The following METTL9 variants were observed in gnomAD, a reference collection of about 807,000 sequenced individuals.
The protein encoded by METTL9 is protein-L-histidine N-pros-methyltransferase.
Under a neutral mutation model 36.0 loss-of-function variants are expected in METTL9, and 10 were observed. The observed-to-expected ratio is 0.28, with a 90% CI of 0.17 to 0.47. METTL9 has a LOEUF of 0.47. METTL9 is among the 20% of genes least tolerant of loss of function. The probability of loss-of-function intolerance (pLI) is 0.99; values close to 1 mark genes in which losing one functional copy is unlikely to be tolerated. For missense variants in METTL9, 246 were observed against 383.5 expected (o/e 0.64, Z 3.00); for synonymous variants, 175 against 149.7 (o/e 1.17, Z -1.23).
At chr16:21,610,802 C>T (rs1378994219) in intron 1 of METTL9, among the ~76,000 whole-genome samples, 1 of 152,114 alleles carries the variant, frequency 6.6e-6, no homozygotes, top group Non-Finnish European at 1.5e-5. Flanking sequence ...GACTTCTCAT[C>T]CACATTAATA....
intron 4 of METTL9, among the ~76,000 whole-genome samples, chr16:21,633,561 G>T (rs1395424278): frequency 6.6e-6 from 1 of 152,154 alleles, no homozygotes; most frequent in East Asian, 1.9e-4. Flanking sequence ...TACAGAAGAA[G>T]GCATCCTTGA....
At chr16:21,616,710 C>T (rs983963540) in intron 2 of METTL9, among the ~76,000 whole-genome samples, 1 of 152,128 alleles carries the variant, frequency 6.6e-6, no homozygotes, top group Non-Finnish European at 1.5e-5. Flanking sequence ...GCATATTAAC[C>T]GACATCACAA....
At chr16:21,622,160 T>TTTTTTTTTTTTTTTTTTTG (rs1965719145) in intron 3 of METTL9, among the ~76,000 whole-genome samples, 1 of 137,496 alleles carries the variant, frequency 7.3e-6, no homozygotes, top group Non-Finnish European at 1.5e-5. Flanking sequence ...TTTTTTTTTT[T>TTTTTTTTTTTTTTTTTTTG]TTGAGACAGG....
chr16:21,650,220 A>G (rs992707920), intron 4 of METTL9, among the ~76,000 whole-genome samples: 2 of 152,160 alleles, frequency 1.3e-5, no homozygotes, highest in African/African-American at 4.8e-5. Context: ...TATAAAAGGA[A>G]TAGAGGCTGG....
intron 1 of METTL9, among the ~76,000 whole-genome samples, chr16:21,607,694 A>G (rs1256951679): frequency 6.6e-6 from 1 of 152,210 alleles, no homozygotes; most frequent in Non-Finnish European, 1.5e-5. Flanking sequence ...GGCAGATGCT[A>G]ATAAGATGCT....
chr16:21,630,326 C>T (rs886369657), intron 4 of METTL9, among the ~76,000 whole-genome samples: 4 of 152,248 alleles, frequency 2.6e-5, no homozygotes, highest in Non-Finnish European at 5.9e-5. Flanking sequence ...CCCGCCTGCA[C>T]CTCTCCCTTC....
intron 1 of METTL9, among the ~76,000 whole-genome samples, chr16:21,600,304 C>A (rs1202619008): frequency 6.6e-6 from 1 of 152,210 alleles, no homozygotes. Flanking sequence ...AGATCCATTA[C>A]CCCGAGAAAC....
At chr16:21,637,370 A>G (rs1009152329) in intron 4 of METTL9, among the ~76,000 whole-genome samples, 2 of 152,306 alleles carry the variant, frequency 1.3e-5, no homozygotes, top group South Asian at 4.1e-4. Context: ...GGCTAGCTAG[A>G]CACAGAGCGC....
At chr16:21,619,535 C>A (rs1567331636) in intron 3 of METTL9, among the ~76,000 whole-genome samples, 1 of 151,670 alleles carries the variant, frequency 6.6e-6, no homozygotes, top group Non-Finnish European at 1.5e-5. Context: ...ATTCTACTGC[C>A]TCAGCCTCCT....
At chr16:21,628,632 T>A (rs750637040) in intron 4 of METTL9, among the ~76,000 whole-genome samples, 10 of 152,118 alleles carry the variant, frequency 6.6e-5, no homozygotes, top group Non-Finnish European at 5.9e-5. Flanking sequence ...TAGCTGGGAC[T>A]ACAGGTGCAT....
intron 3 of METTL9, among the ~76,000 whole-genome samples, chr16:21,622,028 AG>A (rs1276468059): frequency 6.7e-6 from 1 of 149,772 alleles, no homozygotes; most frequent in Admixed American, 6.7e-5. Flanking sequence ...ATTTTAGTAG[AG>A]ATGGGGTTTC....
chr16:21,652,430 C>G, intron 4 of METTL9: 3 of 858,618 alleles, frequency 3.5e-6, no homozygotes, highest in Non-Finnish European at 5.5e-6. Flanking sequence ...TAATGTTATA[C>G]ATTTAAAAAT....
intron 1 of METTL9, among the ~76,000 whole-genome samples, chr16:21,604,080 A>G (rs1965210977): frequency 6.6e-6 from 1 of 152,170 alleles, no homozygotes; most frequent in Admixed American, 6.5e-5. Flanking sequence ...GACTGGAGTC[A>G]GGCATGAGTT....
At chr16:21,632,007 TGTCTCTTC>T (rs916133044) in intron 4 of METTL9, among the ~76,000 whole-genome samples, 1 of 152,172 alleles carries the variant, frequency 6.6e-6, no homozygotes, top group African/African-American at 2.4e-5. Flanking sequence ...TGACTCCCTC[TGTCTCTTC>T]CTCTCTTCCC....
intron 4 of METTL9, among the ~76,000 whole-genome samples, chr16:21,638,418 G>A (rs1240061950): frequency 6.6e-6 from 1 of 152,170 alleles, no homozygotes; most frequent in African/African-American, 2.4e-5. Context: ...TATGGAAAGG[G>A]GTGAAGCTTC....
intron 4 of METTL9, chr16:21,647,069 G>C: frequency 6.2e-7 from 1 of 1,604,034 alleles, no homozygotes; most frequent in East Asian, 2.2e-5. Flanking sequence ...TGTGAGTGAG[G>C]TAATGATTTT....
At chr16:21,631,681 C>T (rs1241122826) in intron 4 of METTL9, among the ~76,000 whole-genome samples, 1 of 152,128 alleles carries the variant, frequency 6.6e-6, no homozygotes, top group Non-Finnish European at 1.5e-5. Flanking sequence ...ATTTAGATCC[C>T]CTGTTAGGAA....
At chr16:21,643,199 A>G in intron 4 of METTL9, 1 of 1,423,576 alleles carries the variant, frequency 7.0e-7, no homozygotes, top group Non-Finnish European at 9.8e-7. Context: ...TGGGAATATA[A>G]GCGATGATAA....
intron 4 of METTL9, among the ~76,000 whole-genome samples, chr16:21,651,378 T>G (rs1966571407): frequency 6.6e-6 from 1 of 152,182 alleles, no homozygotes; most frequent in Non-Finnish European, 1.5e-5. Flanking sequence ...CCCTATAGCC[T>G]GAAAGTCCTG....
Sources: allele counts gnomAD v4.1 joint callset (sites outside exome capture counted in the v4.1 genomes callset), GRCh38; gene constraint gnomAD v4.1.1; transcripts MANE v1.5; gene names NCBI Gene and HGNC (gene_info 2026-07-23, HGNC 2026-07-21).